The following HPCAL1 variants were observed in gnomAD, a reference collection of about 807,000 sequenced individuals.
HPCAL1 encodes hippocalcin-like protein 1.
A neutral mutation model predicts 17.1 loss-of-function variants in HPCAL1; 8 were observed. The ratio of observed to expected loss-of-function variants is 0.47; its 90% confidence interval spans 0.27 to 0.84. The LOEUF (loss-of-function observed/expected upper bound fraction) is 0.84, where lower values mean the gene tolerates loss of function less well. Ranked by LOEUF, HPCAL1 falls within the 40% of genes least tolerant of loss-of-function variation. The pLI is 0.13. For synonymous variants in HPCAL1, 112 were observed against 111.4 expected (o/e 1.01, Z -0.03); for missense variants, 165 against 271.1 (o/e 0.61, Z 2.75).
Position 10,348,191 on chromosome 2 carries a change from T to C in HPCAL1, c.-111+45014T>C, listed in dbSNP as rs570735717. Among the ~76,000 whole-genome samples, 11 of 152,330 alleles carry C rather than the reference T, an allele frequency of 7.2e-5. No homozygotes were observed. The East Asian group carries it at 1.9e-3, about 27-fold the overall frequency. ...CAGCCCGGGCACAGTGGCTCATGCC[T>C]GTAATCCCAGCACTTTGGGAGGCCA... On this transcript the variant is annotated intron_variant, in intron 1 of 4. Coordinates refer to ENST00000307845, the MANE Select transcript of HPCAL1 (RefSeq NM_002149.4).
chr2:10,339,799 C>T (rs868255601), intron 1 of HPCAL1, among the ~76,000 whole-genome samples: 6 of 152,210 alleles, frequency 3.9e-5, no homozygotes, highest in East Asian at 3.9e-4. Flanking sequence ...TGTTCATGCC[C>T]GGCAGGACGT....
chr2:10,343,959 A>C lies in HPCAL1; in HGVS notation c.-111+40782A>C, dbSNP rs1020513159. On this transcript the variant is annotated intron_variant, in intron 1 of 4. Transcript: ENST00000307845. This position sits in a 1 kb window ranked among gnomAD's most constrained non-coding sequence, Gnocchi z 4.8. ...GGAGGCTGCACCTCTTGGGATATAG[A>C]GAACGCTGGCTTCAGACCCGGCAGG... Among the ~76,000 whole-genome samples, 18 of 152,288 alleles carry C rather than the reference A, an allele frequency of 1.2e-4. No individual in the cohort carries two copies. Among genetic ancestry groups the C allele is most frequent in the African/African-American group, 4.3e-4 (18 of 41,562 alleles).
intron 2 of HPCAL1, among the ~76,000 whole-genome samples, chr2:10,401,781 G>A (rs1027056520): frequency 6.6e-6 from 1 of 152,198 alleles, no homozygotes; most frequent in African/African-American, 2.4e-5. Context: ...AGAGAACTGG[G>A]GCCCAGCTGG....
At chr2:10,326,998 A>G (rs980838961) in intron 1 of HPCAL1, among the ~76,000 whole-genome samples, 2 of 151,632 alleles carry the variant, frequency 1.3e-5, no homozygotes, top group African/African-American at 4.9e-5. Context: ...GCCCTTCGTC[A>G]CCCAACCAGA....
At chr2:10,312,001 G>T (rs1327956247) in intron 1 of HPCAL1, among the ~76,000 whole-genome samples, 1 of 127,524 alleles carries the variant, frequency 7.8e-6, no homozygotes, top group African/African-American at 3.0e-5. Flanking sequence ...CATCACCATC[G>T]CCATCATCAC....
intron 2 of HPCAL1, among the ~76,000 whole-genome samples, chr2:10,416,882 G>A (rs1670707334): frequency 1.3e-5 from 2 of 152,090 alleles, no homozygotes; most frequent in Admixed American, 6.5e-5. Flanking sequence ...GAGGCAGGGG[G>A]TGCAGGGGTC....
At chr2:10,368,079 T>A (rs1054625910) in intron 1 of HPCAL1, among the ~76,000 whole-genome samples, 7 of 152,068 alleles carry the variant, frequency 4.6e-5, no homozygotes, top group Non-Finnish European at 7.4e-5. Context: ...CATACACATG[T>A]GTAGGTGTGT....
intron 2 of HPCAL1, among the ~76,000 whole-genome samples, chr2:10,403,609 G>A (rs1018390867): frequency 1.3e-5 from 2 of 152,026 alleles, no homozygotes; most frequent in African/African-American, 4.8e-5. Flanking sequence ...TCAGCCTCCT[G>A]AGTAGCTGGA....
intron 1 of HPCAL1, chr2:10,368,948 G>C (rs890421095): frequency 6.6e-6 from 1 of 152,232 alleles, no homozygotes; most frequent in Non-Finnish European, 1.5e-5. Flanking sequence ...TAAACCGAGT[G>C]GGGAGGGACC....
chr2:10,351,328 A>T (rs1396039531), intron 1 of HPCAL1, among the ~76,000 whole-genome samples: 1 of 152,252 alleles, frequency 6.6e-6, no homozygotes, highest in Non-Finnish European at 1.5e-5. Flanking sequence ...ATACGATTCC[A>T]TCTATGTGAA....
At chr2:10,339,235 C>T (rs961808143) in intron 1 of HPCAL1, among the ~76,000 whole-genome samples, 1 of 152,204 alleles carries the variant, frequency 6.6e-6, no homozygotes, top group Non-Finnish European at 1.5e-5. Context: ...TCACTGCAAC[C>T]TCCACCTCCC....
chr2:10,359,170 C>T lies in HPCAL1; in HGVS notation c.-110-37665C>T, dbSNP rs780762877. Among the ~76,000 whole-genome samples, 1 of 152,272 alleles carries T rather than the reference C, an allele frequency of 6.6e-6. No individual in the cohort carries two copies. The highest frequency in any genetic ancestry group is 6.5e-5 in the Admixed American group (1 of 15,298). ...TTGAGGGGGAAAAGGGAACCTTTCC[C>T]GTTTCACAGCCACAGTTTCCTGCTG... On this transcript the variant is annotated intron_variant, in intron 1 of 4. Transcript: ENST00000307845. The surrounding 1 kb of genome is among the most constrained non-coding windows in gnomAD (Gnocchi z 4.1).
intron 1 of HPCAL1, among the ~76,000 whole-genome samples, chr2:10,337,351 A>G (rs1664784792): frequency 6.6e-6 from 1 of 152,132 alleles, no homozygotes. Context: ...AGTATTTACT[A>G]TTTATTATGT....
chr2:10,414,344 G>A (rs907348826), intron 2 of HPCAL1, among the ~76,000 whole-genome samples: 1 of 152,162 alleles, frequency 6.6e-6, no homozygotes, highest in Admixed American at 6.5e-5. Context: ...GTTTTCTCAC[G>A]GTCTGGAGGC....
chr2:10,356,579 G>T lies in HPCAL1; in HGVS notation c.-110-40256G>T, dbSNP rs189552471. On this transcript the variant is annotated intron_variant, in intron 1 of 4. Transcript: ENST00000307845. ...GAGGCACGGGAAGATTAAGTAACCG[G>T]TCCTACGTATAAGGTGGCATTTGAA... Among the ~76,000 whole-genome samples, 56 of 152,256 alleles carry T rather than the reference G, an allele frequency of 3.7e-4. No individual in the cohort carries two copies. In the East Asian group the frequency reaches 8.5e-3, roughly 23 times the overall value.
At chr2:10,333,171 C>T (rs1317307163) in intron 1 of HPCAL1, among the ~76,000 whole-genome samples, 1 of 152,202 alleles carries the variant, frequency 6.6e-6, no homozygotes, top group Non-Finnish European at 1.5e-5. Flanking sequence ...GACAAAGATT[C>T]TTCTCTTTTT....
At chr2:10,346,762 C>G (rs890370878) in intron 1 of HPCAL1, among the ~76,000 whole-genome samples, 2 of 151,954 alleles carry the variant, frequency 1.3e-5, no homozygotes, top group Non-Finnish European at 2.9e-5. Context: ...ACTGTGAGAG[C>G]TTCTCACTTC....
intron 1 of HPCAL1, among the ~76,000 whole-genome samples, chr2:10,378,123 G>A (rs553612207): frequency 6.6e-6 from 1 of 152,170 alleles, no homozygotes; most frequent in East Asian, 1.9e-4. Flanking sequence ...GACATGGCGG[G>A]ACCCTAAGGA....
At chr2:10,355,572 G>A (rs547829515) in intron 1 of HPCAL1, among the ~76,000 whole-genome samples, 1 of 151,564 alleles carries the variant, frequency 6.6e-6, no homozygotes, top group East Asian at 1.9e-4. Context: ...AAGTTGTTCA[G>A]TGGGCAGCAG....
Sources: gnomAD v4.1 joint callset for allele counts (sites outside exome capture counted in the v4.1 genomes callset) on GRCh38, gnomAD v4.1.1 for gene constraint, Gnocchi (gnomAD v3.1) non-coding constraint, MANE v1.5 for transcripts, NCBI Gene and HGNC (gene_info 2026-07-23, HGNC 2026-07-21) for gene names.